The following ERN1 variants were observed in gnomAD, a reference collection of about 807,000 sequenced individuals.
ERN1 encodes endoplasmic reticulum to nucleus signaling 1, also known as serine/threonine-protein kinase/endoribonuclease IRE1.
Under a neutral mutation model 113.1 loss-of-function variants are expected in ERN1, and 39 were observed. The observed-to-expected ratio is 0.34, with a 90% CI of 0.27 to 0.45. ERN1 has a LOEUF of 0.45. ERN1 is among the 20% of genes least tolerant of loss of function. The pLI, the probability that ERN1 is intolerant of heterozygous loss-of-function variation, is 1.00. For missense variants in ERN1, 976 were observed against 1,274.8 expected, an observed-to-expected ratio of 0.77 and a Z score of 3.57; for synonymous variants, 507 against 515.9, an observed-to-expected ratio of 0.98 and a Z score of 0.23.
intron 4 of ERN1, among the ~76,000 whole-genome samples, chr17:64,077,199 A>G (rs1045815103): frequency 6.6e-6 from 1 of 152,202 alleles, no homozygotes; most frequent in South Asian, 2.1e-4. Context: ...AATAATTTTA[A>G]AACACCCAAG....
chr17:64,055,153 T>C (rs1912819235), intron 13 of ERN1, among the ~76,000 whole-genome samples: 1 of 152,260 alleles, frequency 6.6e-6, no homozygotes, highest in Admixed American at 6.5e-5. Flanking sequence ...AATGGTTTAA[T>C]AGTTAACAAC....
In ERN1 at chr17:64,053,306, G is replaced by T; in HGVS notation, c.2019C>A (p.Thr673=). 3 of 1,611,648 alleles carry T rather than the reference G, an allele frequency of 1.9e-6. No individual in the cohort carries two copies. Among genetic ancestry groups the T allele is most frequent in the Non-Finnish European group, 2.5e-6 (3 of 1,179,256 alleles). ...LEPITLLQQT[T]SGLAHLHSLN... is the part of the protein sequence containing the mutation. ...GGGAGTGGAGGTGGGCCAGGCCCGA[G>T]GTGGTCTGCTGCAGCAAGGTGATGG... The change falls in exon 16 of 22, where the codon ACC becomes ACA. Residue 673 remains threonine, a synonymous_variant. Transcript: ENST00000433197.
intron 1 of ERN1, among the ~76,000 whole-genome samples, chr17:64,124,818 T>C (rs554483938): frequency 1.7e-3 from 257 of 152,332 alleles, no homozygotes; most frequent in Middle Eastern, 6.8e-3. Context: ...CACATGTTAT[T>C]ATACAACATG....
At chr17:64,118,654 G>T (rs1914873632) in intron 1 of ERN1, among the ~76,000 whole-genome samples, 1 of 152,182 alleles carries the variant, frequency 6.6e-6, no homozygotes, top group African/African-American at 2.4e-5. Context: ...TTGAAAGCAA[G>T]TGTCCTCCTG....
rs1913933639 is a variant in ERN1, at chr17:64,086,626, T to C, written c.176-5818A>G. ...GGACCTATTTTCATTTCTTTTTTTT[T>C]CTTTTCTTTCCTTTTTTTTTTTTTT... On this transcript the variant is annotated intron_variant, in intron 2 of 21. Coordinates refer to ENST00000433197, the MANE Select transcript of ERN1 (RefSeq NM_001433.5). 2.1e-5 allele frequency among the ~76,000 whole-genome samples: 3 copies of C among 144,150 alleles called. No homozygotes were observed. The South Asian group carries it at 6.4e-4, about 31-fold the overall frequency. 94.6% of individuals were successfully genotyped at this position (144,150 alleles called of 152,430 possible).
At chr17:64,129,617 G>A (rs1915178728) in intron 1 of ERN1, 1 of 366,710 alleles carries the variant, frequency 2.7e-6, no homozygotes. Flanking sequence ...GGTCCCGCAG[G>A]TGGGCGGCCT....
At chr17:64,129,755 G>C (rs1382007276) in intron 1 of ERN1, 4 of 401,970 alleles carry the variant, frequency 1.0e-5, no homozygotes, top group Non-Finnish European at 1.3e-5. Flanking sequence ...TCTTCGGGCG[G>C]CCGACGCCTC....
chr17:64,102,983 G>C (rs1914427293), intron 1 of ERN1: 1 of 984,804 alleles, frequency 1.0e-6, no homozygotes, highest in South Asian at 4.7e-5. Context: ...AGGGTGGGAA[G>C]GGTAGTGGCA....
chr17:64,091,299 T>A (rs554779487), intron 2 of ERN1, among the ~76,000 whole-genome samples: 67 of 152,252 alleles, frequency 4.4e-4, no homozygotes, highest in African/African-American at 1.6e-3. Flanking sequence ...GAAACTGTCA[T>A]GACTATGATA....
At chr17:64,052,506 A>C (rs551638072) in intron 17 of ERN1, among the ~76,000 whole-genome samples, 305 of 130,892 alleles carry the variant, frequency 2.3e-3, no homozygotes, top group Non-Finnish European at 3.5e-3. Flanking sequence ...CTGTCACACA[A>C]AAAAAACAAA....
chr17:64,068,411 A>AGACTCT (rs1853761231), intron 6 of ERN1, 120 bp from the exon 7 acceptor site: 1 of 701,682 alleles, frequency 1.4e-6, no homozygotes, highest in African/African-American at 1.8e-5. Context: ...AAAAGTCCAG[A>AGACTCT]CTATCCATGT....
intron 1 of ERN1, 193 bp downstream of exon 1, chr17:64,129,783 C>T: frequency 2.3e-6 from 1 of 444,214 alleles, no homozygotes; most frequent in Non-Finnish European, 3.7e-6. Context: ...CCGCGACTCC[C>T]GTCAGGGAAG....
Position 64,055,845 on chromosome 17 carries a change from G to A in ERN1, c.1502C>T (p.Pro501Leu). ...QQQQQLPFHP[P>L]GDTAQDGELL... is the part of the protein sequence containing the mutation. ...CTCGCCGTCCTGAGCCGTGTCTCCA[G>A]GTGGGTGGAAGGGCAGCTGCTGCTG... The change falls in exon 13 of 22, where the codon CCT becomes CTT. Residue 501 changes from proline to leucine, a missense_variant. Physicochemically the swap from Pro to Leu is moderately conservative, Grantham distance 98 (BLOSUM62 -3). Around this residue, in one of 5 missense-constraint regions of ERN1, gnomAD observed 112 missense variants for 106.2 expected, o/e 1.05. Transcript: ENST00000433197. 1.3e-6 allele frequency: 2 copies of A among 1,554,818 alleles called. No homozygotes were observed. Among genetic ancestry groups the A allele is most frequent in the South Asian group, 1.2e-5 (1 of 84,528 alleles).
intron 5 of ERN1, 84 bp from the exon 6 acceptor site, chr17:64,072,187 T>G: frequency 6.9e-7 from 1 of 1,457,730 alleles, no homozygotes; most frequent in Non-Finnish European, 9.4e-7. Flanking sequence ...ATGCTCTGTA[T>G]TGAGAGAGAT....
At chr17:64,045,105 C>G (rs1427856787) in intron 20 of ERN1, among the ~76,000 whole-genome samples, 178 bp from the exon 21 acceptor site, 2 of 152,092 alleles carry the variant, frequency 1.3e-5, no homozygotes, top group Non-Finnish European at 2.9e-5. Flanking sequence ...CCCTGAACCC[C>G]ACCTGGTGAT....
At chr17:64,117,893 T>TAG (rs1354419712) in intron 1 of ERN1, among the ~76,000 whole-genome samples, 1 of 152,190 alleles carries the variant, frequency 6.6e-6, no homozygotes, top group Non-Finnish European at 1.5e-5. Context: ...ACCAACTAGG[T>TAG]AGAAGTTCCA....
At chr17:64,062,772 C>G (rs1913093928) in intron 10 of ERN1, among the ~76,000 whole-genome samples, 1 of 152,152 alleles carries the variant, frequency 6.6e-6, no homozygotes, top group Admixed American at 6.5e-5. Context: ...CACCATGGGC[C>G]TATTCATACA....
At chr17:64,105,386 G>C (rs890376004) in intron 1 of ERN1, among the ~76,000 whole-genome samples, 4 of 152,032 alleles carry the variant, frequency 2.6e-5, no homozygotes, top group South Asian at 2.1e-4. Flanking sequence ...TGAGATTACA[G>C]GCATAAGCTT....
rs1444850421 is a variant in ERN1 at position 64,054,979 on chromosome 17, A to AGG, written c.1673-153_1673-152dup. The stretch of plus-strand genomic sequence containing the variant: ...GACTGCTGCTCAGCAAGAGCCTGCC[A>AGG]GGCCCACTCCCCATGTACACCCAGG... On this transcript the variant is annotated intron_variant, in intron 13 of 21. Transcript: ENST00000433197. The surrounding 1 kb of genome is among the most constrained non-coding windows in gnomAD (Gnocchi z 4.9). Among the ~76,000 whole-genome samples, 1 of 152,204 alleles carries AGG rather than the reference A, an allele frequency of 6.6e-6. No individual in the cohort carries two copies. Among genetic ancestry groups the AGG allele is most frequent in the Non-Finnish European group, 1.5e-5 (1 of 68,036 alleles).
Sources: gnomAD v4.1 joint callset for allele counts (sites outside exome capture counted in the v4.1 genomes callset) on GRCh38, gnomAD v4.1.1 for gene constraint, gnomAD v4.1.1 regional missense constraint, Gnocchi (gnomAD v3.1) non-coding constraint, MANE v1.5 for transcripts, NCBI Gene and HGNC (gene_info 2026-07-23, HGNC 2026-07-21) for gene names.